The following RCC2 variants were observed in gnomAD, a reference collection of about 807,000 sequenced individuals.
RCC2 encodes the protein protein RCC2.
A neutral mutation model predicts 64.1 loss-of-function variants in RCC2; 19 were observed. That is an observed-to-expected ratio of 0.30 (90% CI 0.21 to 0.44). The LOEUF is 0.44. Among genes scored for constraint, RCC2 ranks in the 20% least tolerant of loss-of-function variants. The probability of loss-of-function intolerance (pLI) is 1.00; values close to 1 mark genes in which losing one functional copy is unlikely to be tolerated. For synonymous variants in RCC2, 325 were observed against 279.6 expected (o/e 1.16, Z -1.62); for missense variants, 508 against 710.4 (o/e 0.72, Z 3.24).
chr1:17,438,397 C>T lies in RCC2; in HGVS notation c.118G>A (p.Glu40Lys). 1 of 1,261,522 alleles carries T rather than the reference C, an allele frequency of 7.9e-7. No homozygotes were observed. The highest frequency in any genetic ancestry group is 3.1e-4 in the Middle Eastern group (1 of 3,224). 78.1% of individuals were successfully genotyped at this position (1,261,522 alleles called of 1,614,324 possible). A position where few individuals can be genotyped will look rare whatever the true frequency, so the allele number is the denominator to read the frequency against. Residue 40 changes from glutamate (E) to lysine (K), a missense_variant, in exon 2 of 13, where the codon GAG (glutamate) becomes AAG (lysine). Glu to Lys is a moderately conservative substitution (Grantham distance 56). Coordinates refer to ENST00000375436, the MANE Select transcript of RCC2 (RefSeq NM_018715.4). ...GPAGRKRERPERCSSSSGGGS... is the reference protein window; with the variant it reads ...GPAGRKRERPKRCSSSSGGGS... Reference sequence around the variant, plus strand: ...CCGCCGCTGCTGCTACTGCAGCGCTCGGGCCGCTCGCGCTTCCTGCCCGCC... The same window carrying T: ...CCGCCGCTGCTGCTACTGCAGCGCTTGGGCCGCTCGCGCTTCCTGCCCGCC...
chr1:17,414,645 C>G (rs940907853), intron 8 of RCC2, among the ~76,000 whole-genome samples: 4 of 152,036 alleles, frequency 2.6e-5, no homozygotes, highest in African/African-American at 7.2e-5. Context: ...TCTTTTCCCC[C>G]CCTCGAGAGG....
At position 17,425,698 on chromosome 1, in the gene RCC2, G is replaced by C. The variant is rs780731558; in HGVS notation, c.380-14C>G. 1.3e-6 allele frequency: 2 copies of C among 1,599,616 alleles called. No individual in the cohort carries two copies. ...TGCGGTAAGCAGCTGCAGAGAGAAT[G>C]AGAATGCAGATCAGACACCTGGGGT... On this transcript the variant is annotated splice_polypyrimidine_tract_variant and intron_variant, in intron 3 of 12. Transcript: ENST00000375436.
intron 7 of RCC2, among the ~76,000 whole-genome samples, chr1:17,420,181 CTG>C (rs1305231641): frequency 6.6e-6 from 1 of 152,192 alleles, no homozygotes; most frequent in Non-Finnish European, 1.5e-5. Flanking sequence ...CCCCCACTAA[CTG>C]AGAACTGATG....
At position 17,409,285 on chromosome 1, in the gene RCC2, G is replaced by A; in HGVS notation, c.1465-91C>T. ...TCTGGAAACTGGGCTGCTAAAGCGGGTCAGCATGGAGAAAAACAGAGTGCC... is the reference window on the plus strand; with the variant it reads ...TCTGGAAACTGGGCTGCTAAAGCGGATCAGCATGGAGAAAAACAGAGTGCC... On this transcript the variant is annotated intron_variant, in intron 12 of 12. Transcript: ENST00000375436. 4 of 845,418 alleles carry A rather than the reference G, an allele frequency of 4.7e-6. No homozygotes were observed. In the East Asian group the frequency reaches 7.3e-5, roughly 15 times the overall value. 52.4% of individuals were successfully genotyped at this position (845,418 alleles called of 1,614,324 possible). A position where few individuals can be genotyped will look rare whatever the true frequency, so the allele number is the denominator to read the frequency against.
chr1:17,413,583 G>A lies in RCC2; in HGVS notation c.1161C>T (p.Ser387=), dbSNP rs1157231373. ...KLFDFPGRGA[S]QIYAGYTCSF... is the part of the protein sequence containing the mutation. Reference sequence around the variant, plus strand: ...AGCAGGTGTAACCAGCATAGATCTGGGAAGCCCCACGCCCAGGGAAGTCAA... The same window carrying A: ...AGCAGGTGTAACCAGCATAGATCTGAGAAGCCCCACGCCCAGGGAAGTCAA... Residue 387 remains serine, a synonymous_variant, in exon 9 of 13, where the codon TCC becomes TCT. Transcript: ENST00000375436. 14 of 1,614,062 alleles carry A rather than the reference G, an allele frequency of 8.7e-6. No homozygotes were observed. The highest frequency in any genetic ancestry group is 1.2e-5 in the Non-Finnish European group (14 of 1,179,958).
chr1:17,428,143 T>A (rs1040202718), intron 3 of RCC2, among the ~76,000 whole-genome samples: 1 of 152,226 alleles, frequency 6.6e-6, no homozygotes, highest in African/African-American at 2.4e-5. Flanking sequence ...ATCTTCAATG[T>A]CAACTGGGCT....
At chr1:17,438,789 C>T (rs773122440) in intron 1 of RCC2, among the ~76,000 whole-genome samples, 2 of 152,154 alleles carry the variant, frequency 1.3e-5, no homozygotes, top group Non-Finnish European at 2.9e-5. Flanking sequence ...CCGGCCTATC[C>T]GTAAGTTAGG....
rs551195081 is a variant in RCC2 at position 17,433,195 on chromosome 1, TG to T, written c.286-3997del. ...GGATCCTATTTCCTCACACATTAGA[TG>T]GAGGTTAGTGTATTTCGTTATTATT... On this transcript the variant is annotated intron_variant, in intron 2 of 12. Transcript: ENST00000375436. 9.2e-5 allele frequency among the ~76,000 whole-genome samples: 14 copies of T among 152,356 alleles called. 1 individual carries two copies. The South Asian group carries it at 2.9e-3, about 32-fold the overall frequency.
chr1:17,429,738 C>A (rs1485039246), intron 2 of RCC2, among the ~76,000 whole-genome samples: 1 of 152,192 alleles, frequency 6.6e-6, no homozygotes, highest in Non-Finnish European at 1.5e-5. Context: ...GGAGACCAGG[C>A]AGAACACAGC....
At chr1:17,435,913 C>T (rs543941491) in intron 2 of RCC2, among the ~76,000 whole-genome samples, 22 of 132,444 alleles carry the variant, frequency 1.7e-4, no homozygotes, top group African/African-American at 5.7e-4. Context: ...AGCTAAACTC[C>T]AGCTCAAAAA....
Position 17,416,478 on chromosome 1 carries a change from A to AC in RCC2, c.1026+1dup. On this transcript the variant is annotated splice_donor_variant, in intron 8 of 12. Coordinates refer to ENST00000375436, the MANE Select transcript of RCC2 (RefSeq NM_018715.4). LOFTEE classifies it high-confidence loss of function. ...CAGGAAGTGAGAAAAGCCGAGCCTC[A>AC]CCGTGTGGTTAGCGCCACAGGCCAC... The AC allele has an allele frequency of 6.2e-7, 1 of 1,605,674 alleles. No individual in the cohort carries two copies. Among genetic ancestry groups the AC allele is most frequent in the Non-Finnish European group, 8.5e-7 (1 of 1,174,516 alleles).
Position 17,412,143 on chromosome 1 carries a change from C to T in RCC2, c.1365G>A (p.Pro455=), listed in dbSNP as rs567458904. ...AADESTISWG[P]SPTFGELGYG... is the part of the protein sequence containing the mutation. ...TTACCAGTTCCCCAAAGGTCGGTGA[C>T]GGACCCCAGCTGATGGTGCTCTCAT... Residue 455 remains proline (P), a synonymous_variant, in exon 11 of 13, where the codon CCG becomes CCA. Coordinates refer to ENST00000375436, the MANE Select transcript of RCC2 (RefSeq NM_018715.4). The T allele has an allele frequency of 3.6e-5, 58 of 1,613,996 alleles. No homozygotes were observed. The highest frequency in any genetic ancestry group is 3.3e-4 in the South Asian group (30 of 91,064).
chr1:17,422,334 A>C lies in RCC2; in HGVS notation c.656-43T>G, dbSNP rs780483039. On this transcript the variant is annotated intron_variant, in intron 5 of 12. Transcript: ENST00000375436. ...TATCACAAAAGGGAAGATAATGGTG[A>C]ATGTTTTGAACTAGATTTAGAATCA... is the stretch of plus-strand genomic sequence containing the variant. 19 of 1,506,054 alleles carry C rather than the reference A, an allele frequency of 1.3e-5. No individual in the cohort carries two copies. In the East Asian group the frequency reaches 2.9e-4, roughly 23 times the overall value. 93.3% of individuals were successfully genotyped at this position (1,506,054 alleles called of 1,614,324 possible). A position where few individuals can be genotyped will look rare whatever the true frequency, so the allele number is the denominator to read the frequency against.
intron 2 of RCC2, among the ~76,000 whole-genome samples, chr1:17,436,385 T>C (rs1570213911): frequency 6.6e-6 from 1 of 152,050 alleles, no homozygotes; most frequent in South Asian, 2.1e-4. Flanking sequence ...ACACTTGTAA[T>C]CCCAGCTGCT....
At chr1:17,424,342 G>T (rs1443655810) in intron 4 of RCC2, among the ~76,000 whole-genome samples, 1 of 152,210 alleles carries the variant, frequency 6.6e-6, no homozygotes, top group Admixed American at 6.5e-5. Context: ...GGCGCTTTCA[G>T]AGCCACCACG....
intron 11 of RCC2, among the ~76,000 whole-genome samples, chr1:17,411,078 G>T (rs950126388): frequency 6.6e-6 from 1 of 152,102 alleles, no homozygotes; most frequent in African/African-American, 2.4e-5. Context: ...ACCAAGGAAC[G>T]CCCTTCCTTC....
Position 17,409,176 on chromosome 1 carries a change from G to A in RCC2, c.1483C>T (p.His495Tyr), listed in dbSNP as rs745609771. The part of the protein sequence containing the change: ...FSEQVAMGYS[H>Y]SLVIARDESE... The stretch of plus-strand genomic sequence containing the variant: ...TCATCTCTTGCTATCACCAAGGAGT[G>A]TGAGTAGCCCATGGCGACCTGGGGG... Residue 495 changes from histidine (H) to tyrosine (Y), a missense_variant, in exon 13 of 13, where the codon CAC (histidine) becomes TAC (tyrosine). Transcript: ENST00000375436. 1 of 1,613,856 alleles carries A rather than the reference G, an allele frequency of 6.2e-7. No homozygotes were observed. Among genetic ancestry groups the A allele is most frequent in the Non-Finnish European group, 8.5e-7 (1 of 1,179,696 alleles).
chr1:17,433,039 T>C (rs900117727), intron 2 of RCC2, among the ~76,000 whole-genome samples: 6 of 152,102 alleles, frequency 3.9e-5, no homozygotes, highest in African/African-American at 1.4e-4. Context: ...CACACACATA[T>C]ACATACGTGT....
In RCC2 at chr1:17,413,141, A is replaced by T; in HGVS notation, c.1245T>A (p.Arg415=). The T allele has an allele frequency of 6.2e-7, 1 of 1,614,174 alleles. No individual in the cohort carries two copies. The highest frequency in any genetic ancestry group is 8.5e-7 in the Non-Finnish European group (1 of 1,180,010). ...CTGCTTTTGGGTACATGGTAGATTC[A>T]CGGGAGGTGTTGGTGGCCCCCCAGA... ...LFFWGATNTS[R]ESTMYPKAVQ... The change falls in exon 10 of 13, where the codon CGT becomes CGA. Residue 415 remains arginine, a synonymous_variant. Coordinates refer to ENST00000375436, the MANE Select transcript of RCC2 (RefSeq NM_018715.4).
Sources: gnomAD v4.1 joint callset for allele counts (sites outside exome capture counted in the v4.1 genomes callset) on GRCh38, gnomAD v4.1.1 for gene constraint, MANE v1.5 for transcripts, NCBI Gene and HGNC (gene_info 2026-07-23, HGNC 2026-07-21) for gene names.